Variants in CHRNA7 observed in about 807,000 individuals in gnomAD.
The protein encoded by CHRNA7 is neuronal acetylcholine receptor subunit alpha-7.
Under a neutral mutation model 48.0 loss-of-function variants are expected in CHRNA7, and 17 were observed. That is an observed-to-expected ratio of 0.35 (90% CI 0.24 to 0.53). The LOEUF (loss-of-function observed/expected upper bound fraction) is 0.53. CHRNA7 is among the 20% of genes least tolerant of loss of function. The pLI, the probability that CHRNA7 is intolerant of heterozygous loss-of-function variation, is 0.92. For missense variants in CHRNA7, 155 were observed against 577.7 expected (o/e 0.27, Z 7.50); for synonymous variants, 75 against 242.3 (o/e 0.31, Z 6.41).
chr15:32,074,413 A>G (rs2050104322), intron 2 of CHRNA7, among the ~76,000 whole-genome samples: 1 of 148,734 alleles, frequency 6.7e-6, no homozygotes, highest in South Asian at 2.2e-4. Flanking sequence ...AAAATAGAAT[A>G]AAAGTAGAGA....
intron 2 of CHRNA7, among the ~76,000 whole-genome samples, chr15:32,086,478 C>T (rs1404382596): frequency 1.3e-5 from 2 of 152,020 alleles, no homozygotes; most frequent in African/African-American, 4.8e-5. Flanking sequence ...CTGGAGGCCA[C>T]ACAGTTTCCC....
At chr15:32,112,416 G>A (rs946742114) in intron 4 of CHRNA7, 10 of 452,836 alleles carry the variant, frequency 2.2e-5, no homozygotes, top group South Asian at 4.7e-5. Context: ...CCCCTGCAGG[G>A]TATATACCTG....
At chr15:32,130,015 A>C (rs992475653) in intron 4 of CHRNA7, among the ~76,000 whole-genome samples, 1 of 151,964 alleles carries the variant, frequency 6.6e-6, no homozygotes, top group African/African-American at 2.4e-5. Context: ...TTTTCTTGTC[A>C]TCTTAATGCT....
chr15:32,051,096 G>A (rs1006521154), intron 2 of CHRNA7, among the ~76,000 whole-genome samples: 6 of 151,658 alleles, frequency 4.0e-5, no homozygotes, highest in African/African-American at 7.3e-5. Context: ...GGGGGTCAGG[G>A]GTCAGGGACC....
At chr15:32,038,148 A>G (rs998005408) in intron 2 of CHRNA7, among the ~76,000 whole-genome samples, 4 of 146,016 alleles carry the variant, frequency 2.7e-5, no homozygotes, top group African/African-American at 1.0e-4. Flanking sequence ...AAATATGTAC[A>G]TACATTTTGT....
intron 2 of CHRNA7, among the ~76,000 whole-genome samples, chr15:32,063,143 A>G: frequency 6.6e-6 from 1 of 152,192 alleles, no homozygotes; most frequent in African/African-American, 2.4e-5. Context: ...CTGGTGAGTC[A>G]GTGAGTGAGT....
intron 3 of CHRNA7, among the ~76,000 whole-genome samples, chr15:32,107,193 CCAATT>C (rs1405473956): frequency 3.3e-5 from 5 of 152,184 alleles, no homozygotes; most frequent in African/African-American, 1.2e-4. Context: ...TGGGGGTCCA[CCAATT>C]CAATTCATTT....
chr15:32,144,800 C>G (rs1037787629), intron 4 of CHRNA7, among the ~76,000 whole-genome samples: 3 of 152,186 alleles, frequency 2.0e-5, no homozygotes, highest in Non-Finnish European at 2.9e-5. Context: ...ACTATTCATT[C>G]TAGTTAGCCA....
chr15:32,141,881 C>A (rs1353176854), intron 4 of CHRNA7, among the ~76,000 whole-genome samples: 1 of 152,210 alleles, frequency 6.6e-6, no homozygotes, highest in Non-Finnish European at 1.5e-5. Context: ...GACAATTTGA[C>A]TTCCTCTTTT....
chr15:32,043,042 GAAATATTT>G (rs1168185140), intron 2 of CHRNA7, among the ~76,000 whole-genome samples: 2 of 152,146 alleles, frequency 1.3e-5, no homozygotes, highest in African/African-American at 4.8e-5. Context: ...GATGTGTAGA[GAAATATTT>G]AAATATTTAA....
chr15:32,086,258 A>G (rs1357751555), intron 2 of CHRNA7, among the ~76,000 whole-genome samples: 1 of 150,532 alleles, frequency 6.6e-6, no homozygotes, highest in African/African-American at 2.4e-5. Flanking sequence ...AGTCCCAGCT[A>G]CTCGGGAGGC....
chr15:32,080,199 A>G (rs1462672952), intron 2 of CHRNA7, among the ~76,000 whole-genome samples: 1 of 152,190 alleles, frequency 6.6e-6, no homozygotes, highest in Non-Finnish European at 1.5e-5. Context: ...ATAAAAACCT[A>G]GAAGAAAATG....
chr15:32,106,262 A>C (rs777954249), intron 3 of CHRNA7, among the ~76,000 whole-genome samples: 3 of 152,168 alleles, frequency 2.0e-5, no homozygotes, highest in Non-Finnish European at 4.4e-5. Context: ...TCTCCTCCCG[A>C]GTTTCATGTT....
At chr15:32,074,300 T>G (rs1315572857) in intron 2 of CHRNA7, among the ~76,000 whole-genome samples, 2 of 148,598 alleles carry the variant, frequency 1.3e-5, no homozygotes, top group African/African-American at 4.9e-5. Context: ...TCTGTATGTG[T>G]TTCATTGCCT....
rs193183153 is a variant in CHRNA7, at chr15:32,094,322, G to C, written c.196-6981G>C. 1.6e-3 allele frequency among the ~76,000 whole-genome samples: 237 copies of C among 152,248 alleles called. 3 individuals carry two copies. Among genetic ancestry groups the C allele is most frequent in the African/African-American group, 5.6e-3 (234 of 41,516 alleles). ...GAACCCACTGGGAATATTAAATGCTGACCTCTAGACACTTAATTCCTAAGC... is the reference window on the plus strand; with the variant it reads ...GAACCCACTGGGAATATTAAATGCTCACCTCTAGACACTTAATTCCTAAGC... On this transcript the variant is annotated intron_variant, in intron 2 of 9. Coordinates refer to ENST00000306901, the MANE Select transcript of CHRNA7 (RefSeq NM_000746.6).
chr15:32,063,274 C>T (rs1033671873), intron 2 of CHRNA7, among the ~76,000 whole-genome samples: 1 of 152,092 alleles, frequency 6.6e-6, no homozygotes, highest in Non-Finnish European at 1.5e-5. Context: ...GTTATGACAG[C>T]TATGACATCA....
At position 32,030,625 on chromosome 15, in the gene CHRNA7, G is replaced by T. The variant is rs1218763000; in HGVS notation, c.31G>T (p.Ala11Ser). 1.3e-6 allele frequency: 2 copies of T among 1,569,480 alleles called. No individual in the cohort carries two copies. Among genetic ancestry groups the T allele is most frequent in the Admixed American group, 1.8e-5 (1 of 56,666 alleles). ...CTGCTCGCCGGGAGGCGTCTGGCTG[G>T]CGCTGGCCGCGTCGCTCCTGCACGG... MRCSPGGVWL[A>S]LAASLLHVSL... The change falls in exon 1 of 10, where the codon GCG becomes TCG. Residue 11 changes from alanine (A) to serine (S), a missense_variant. Transcript: ENST00000306901.
intron 2 of CHRNA7, among the ~76,000 whole-genome samples, chr15:32,096,771 T>G (rs538452715): frequency 1.3e-5 from 2 of 152,372 alleles, no homozygotes; most frequent in Middle Eastern, 3.4e-3. Context: ...AGTTGTACTC[T>G]AAACCAGATA....
At chr15:32,129,231 A>T (rs1219741590) in intron 4 of CHRNA7, among the ~76,000 whole-genome samples, 1 of 151,630 alleles carries the variant, frequency 6.6e-6, no homozygotes, top group Non-Finnish European at 1.5e-5. Flanking sequence ...CATTTTATAA[A>T]TTTTTTCTAC....
Sources: allele counts gnomAD v4.1 joint callset (sites outside exome capture counted in the v4.1 genomes callset), GRCh38; gene constraint gnomAD v4.1.1; transcripts MANE v1.5; gene names NCBI Gene and HGNC (gene_info 2026-07-23, HGNC 2026-07-21).